The following PDS5B variants were observed in gnomAD, a reference collection of about 807,000 sequenced individuals.
PDS5B encodes PDS5 cohesin associated factor B, also known as sister chromatid cohesion protein PDS5 homolog B.
In PDS5B, 51 loss-of-function variants were observed where a neutral mutation model predicts 184.1. The observed-to-expected ratio is 0.28, with a 90% CI of 0.22 to 0.35. PDS5B has a LOEUF of 0.35. Among genes scored for constraint, PDS5B ranks in the 10% least tolerant of loss-of-function variants. The pLI is 1.00. For synonymous variants in PDS5B, 566 were observed against 569.2 expected (o/e 0.99, Z 0.08); for missense variants, 1,180 against 1,723.3 (o/e 0.68, Z 5.58).
At chr13:32,615,003 C>G (rs2058197276) in intron 1 of PDS5B, among the ~76,000 whole-genome samples, 1 of 152,222 alleles carries the variant, frequency 6.6e-6, no homozygotes, top group African/African-American at 2.4e-5. Flanking sequence ...TATAAGTGGA[C>G]AGGTTTGTGA....
intron 1 of PDS5B, among the ~76,000 whole-genome samples, chr13:32,633,480 T>C (rs968920943): frequency 6.6e-6 from 1 of 152,166 alleles, no homozygotes; most frequent in African/African-American, 2.4e-5. Context: ...AAGTTGTTGA[T>C]TTTAGCCAGG....
chr13:32,687,650 A>G (rs958572156), intron 12 of PDS5B, among the ~76,000 whole-genome samples: 1 of 152,218 alleles, frequency 6.6e-6, no homozygotes, highest in South Asian at 2.1e-4. Flanking sequence ...ACACATTTAA[A>G]AACAATTTCT....
At chr13:32,756,451 G>A (rs1170090875) in intron 26 of PDS5B, among the ~76,000 whole-genome samples, 3 of 152,166 alleles carry the variant, frequency 2.0e-5, no homozygotes, top group Admixed American at 6.5e-5. Context: ...TCTAACTAGA[G>A]TTTAAAATAT....
At chr13:32,746,172 A>T in intron 24 of PDS5B, 72 bp downstream of exon 24, 2 of 1,263,948 alleles carry the variant, frequency 1.6e-6, no homozygotes, top group Non-Finnish European at 2.2e-6. Flanking sequence ...ATCCACTGTG[A>T]TACATAGATT....
intron 22 of PDS5B, among the ~76,000 whole-genome samples, chr13:32,741,894 G>A (rs1389758978): frequency 2.6e-5 from 4 of 151,840 alleles, no homozygotes; most frequent in African/African-American, 7.3e-5. Context: ...TGTTTTTCTC[G>A]GCATTGGTCT....
At chr13:32,689,570 T>G (rs1193459462) in intron 13 of PDS5B, 1 of 152,144 alleles carries the variant, frequency 6.6e-6, no homozygotes, top group Non-Finnish European at 1.5e-5. Context: ...AACCCTGGTT[T>G]AAGTGACATT....
chr13:32,719,247 A>G (rs938206046), intron 19 of PDS5B, among the ~76,000 whole-genome samples: 14 of 152,158 alleles, frequency 9.2e-5, no homozygotes, highest in Non-Finnish European at 2.1e-4. Context: ...CAGTGGCTCA[A>G]TCATGGCCCA....
chr13:32,689,050 A>C lies in PDS5B; in HGVS notation c.1469+481A>C, dbSNP rs138563396. Reference sequence around the variant, plus strand: ...AGCACAAATATATTTTTATTACCGCATGTCATTCAGAAAGTACTTTTGGGT... The same window carrying C: ...AGCACAAATATATTTTTATTACCGCCTGTCATTCAGAAAGTACTTTTGGGT... On this transcript the variant is annotated intron_variant, in intron 13 of 34. Coordinates refer to ENST00000315596, the MANE Select transcript of PDS5B (RefSeq NM_015032.4). 9.7e-3 allele frequency: 1,545 copies of C among 158,508 alleles called. 12 individuals are homozygous for C. Among genetic ancestry groups the C allele is most frequent in the African/African-American group, 0.026 (1,067 of 41,580 alleles). The allele number at this position is 158,508 out of a possible 1,614,324, so 9.8% of individuals were successfully genotyped here.
chr13:32,682,008 A>G (rs1951262164), intron 10 of PDS5B, among the ~76,000 whole-genome samples: 1 of 152,240 alleles, frequency 6.6e-6, no homozygotes, highest in Non-Finnish European at 1.5e-5. Flanking sequence ...TATGACATAC[A>G]GAGATAACAT....
intron 20 of PDS5B, 140 bp from the exon 21 acceptor site, chr13:32,735,032 T>TCA (rs1303213770): frequency 2.0e-6 from 1 of 498,442 alleles, no homozygotes; most frequent in African/African-American, 2.0e-5. Flanking sequence ...TATGTATATT[T>TCA]ATTGAAATTT....
chr13:32,609,424 T>C (rs1421278545), intron 1 of PDS5B, among the ~76,000 whole-genome samples: 1 of 152,206 alleles, frequency 6.6e-6, no homozygotes, highest in Admixed American at 6.5e-5. Flanking sequence ...TTGTAGTTGT[T>C]ATCTGTAATT....
intron 3 of PDS5B, among the ~76,000 whole-genome samples, chr13:32,655,374 A>ATATATATTTTTTTTTTTT: frequency 1.4e-5 from 1 of 72,482 alleles, no homozygotes; most frequent in Admixed American, 1.8e-4. Flanking sequence ...ATATATATAT[A>ATATATATTTTTTTTTTTT]TTTTTTTTTT....
At chr13:32,771,826 C>A (rs1954796991) in intron 33 of PDS5B, among the ~76,000 whole-genome samples, 1 of 151,806 alleles carries the variant, frequency 6.6e-6, no homozygotes, top group East Asian at 1.9e-4. Flanking sequence ...AAATAACAAA[C>A]CTCATAATTT....
chr13:32,665,616 AAAATAAACATCTTTACAACCTC>A (rs1422399196), intron 6 of PDS5B, among the ~76,000 whole-genome samples: 11 of 149,270 alleles, frequency 7.4e-5, no homozygotes, highest in Non-Finnish European at 1.3e-4. Context: ...AAAAAAAAAG[AAAATAAACATCTTTACAACCTC>A]AAGATAGGAA....
chr13:32,678,807 C>T, intron 9 of PDS5B, 28 bp from the exon 10 acceptor site: 1 of 1,190,556 alleles, frequency 8.4e-7, no homozygotes, highest in Non-Finnish European at 1.3e-6. Context: ...TATTTTGAAG[C>T]TCACTCTGTG....
intron 24 of PDS5B, among the ~76,000 whole-genome samples, chr13:32,746,844 A>G (rs1247405807): frequency 6.6e-6 from 1 of 152,188 alleles, no homozygotes; most frequent in African/African-American, 2.4e-5. Flanking sequence ...TACTTTGCAA[A>G]TGACCCAAAA....
chr13:32,740,711 T>C (rs1274060870), intron 21 of PDS5B, among the ~76,000 whole-genome samples: 1 of 152,058 alleles, frequency 6.6e-6, no homozygotes, highest in Non-Finnish European at 1.5e-5. Context: ...CCTTTCTTCT[T>C]GTTTAAGAGC....
intron 26 of PDS5B, among the ~76,000 whole-genome samples, chr13:32,757,017 TG>T (rs1954205895): frequency 6.6e-6 from 1 of 151,872 alleles, no homozygotes; most frequent in South Asian, 2.1e-4. Context: ...CCCAGCTACT[TG>T]GGAGGCTGAG....
Position 32,594,420 on chromosome 13 carries a change from G to T in PDS5B, c.-20+7827G>T, listed in dbSNP as rs553695295. Among the ~76,000 whole-genome samples the T allele has an allele frequency of 1.2e-4, 19 of 152,322 alleles. No individual in the cohort carries two copies. The East Asian group carries it at 3.1e-3, about 25-fold the overall frequency. On this transcript the variant is annotated intron_variant, in intron 1 of 34. Coordinates refer to ENST00000315596, the MANE Select transcript of PDS5B (RefSeq NM_015032.4). ...ACAAAGATGAAAGATACTCAATCAA[G>T]AGATGTATATTCAAGTGGGAGGAAA...
Sources: gnomAD v4.1 joint callset for allele counts (sites outside exome capture counted in the v4.1 genomes callset) on GRCh38, gnomAD v4.1.1 for gene constraint, MANE v1.5 for transcripts, NCBI Gene and HGNC (gene_info 2026-07-23, HGNC 2026-07-21) for gene names.